WASHC4: variants seen among roughly 807,000 people sequenced by gnomAD.
The protein encoded by WASHC4 is WASH complex subunit 4.
A neutral mutation model predicts 166.6 loss-of-function variants in WASHC4; 86 were observed. The ratio of observed to expected loss-of-function variants is 0.52; its 90% confidence interval spans 0.43 to 0.62. The LOEUF is 0.62. WASHC4 is among the 20% of genes least tolerant of loss of function. The probability of loss-of-function intolerance (pLI) is 0.00; values close to 1 mark genes in which losing one functional copy is unlikely to be tolerated. For missense variants in WASHC4, 1,262 were observed against 1,382.4 expected (o/e 0.91, Z 1.38); for synonymous variants, 446 against 451.6 (o/e 0.99, Z 0.16).
In WASHC4 at chr12:105,162,814, AGCT is replaced by A. The variant is rs771731413; in HGVS notation, c.3129_3131del (p.Ala1044del). 7.5e-6 allele frequency: 12 copies of A among 1,601,734 alleles called. No individual in the cohort carries two copies. Among genetic ancestry groups the A allele is most frequent in the Non-Finnish European group, 9.4e-6 (11 of 1,170,974 alleles). ...AATTAAATAAAAAAAATAAAATTGG[AGCT>A]GCCTTTACTGATGATGGCTTTGCCA... On this transcript the variant is annotated inframe_deletion, in exon 30 of 33. Transcript: ENST00000332180.
chr12:105,140,112 C>T (rs964481014), intron 15 of WASHC4, among the ~76,000 whole-genome samples, 182 bp from the exon 16 acceptor site: 1 of 152,088 alleles, frequency 6.6e-6, no homozygotes, highest in Non-Finnish European at 1.5e-5. Context: ...ACCTGGTGAT[C>T]CACCTGCCTC....
At position 105,122,168 on chromosome 12, in the gene WASHC4, A is replaced by T. The variant is rs1446688440; in HGVS notation, c.716A>T (p.Glu239Val). ...HNPSKFGIQE[E>V]KLKPFEKFLL... The stretch of plus-strand genomic sequence containing the variant: ...CCTTCAAAATTTGGAATTCAGGAAG[A>T]AAAATTAAAGCCATTTGAAAAGTTC... The change falls in exon 10 of 33, where the codon GAA becomes GTA. Residue 239 changes from glutamate (E) to valine (V), a missense_variant. Physicochemically the swap from Glu to Val is moderately radical, Grantham distance 121 (BLOSUM62 -2). Coordinates refer to ENST00000332180, the MANE Select transcript of WASHC4 (RefSeq NM_015275.3). 1.9e-6 allele frequency: 3 copies of T among 1,611,344 alleles called. No individual in the cohort carries two copies. The Admixed American group carries it at 5.0e-5, about 27-fold the overall frequency.
intron 30 of WASHC4, among the ~76,000 whole-genome samples, chr12:105,163,645 G>A (rs1032886100): frequency 4.6e-5 from 7 of 151,978 alleles, no homozygotes; most frequent in Non-Finnish European, 7.4e-5. Flanking sequence ...GAGACTACAG[G>A]CATGCATCGC....
In WASHC4 at chr12:105,125,933, T is replaced by C. The variant is rs191508942; in HGVS notation, c.787-71T>C. Reference sequence around the variant, plus strand: ...GAAATTTATCATACACTGTATTTAGTGTATGATATTTAAATGTTTAATCGT... The same window carrying C: ...GAAATTTATCATACACTGTATTTAGCGTATGATATTTAAATGTTTAATCGT... On this transcript the variant is annotated intron_variant, in intron 10 of 32. Transcript: ENST00000332180. The C allele has an allele frequency of 5.9e-4, 822 of 1,396,794 alleles. 4 individuals carry two copies. The African/African-American group carries it at 9.3e-3, about 16-fold the overall frequency. The allele number at this position is 1,396,794 out of a possible 1,614,324, so 86.5% of individuals were successfully genotyped here.
chr12:105,165,229 G>A (rs1884735732), intron 32 of WASHC4, among the ~76,000 whole-genome samples: 1 of 152,180 alleles, frequency 6.6e-6, no homozygotes, highest in African/African-American at 2.4e-5. Flanking sequence ...AGGCAATATA[G>A]CCATAATAAC....
chr12:105,134,804 T>A (rs1882166765), intron 14 of WASHC4, among the ~76,000 whole-genome samples: 2 of 151,918 alleles, frequency 1.3e-5, no homozygotes, highest in African/African-American at 4.8e-5. Flanking sequence ...TACTATTTTT[T>A]CTATATGTCA....
intron 1 of WASHC4, 31 bp downstream of exon 1, chr12:105,107,892 TG>T: frequency 6.7e-7 from 1 of 1,502,664 alleles, no homozygotes; most frequent in Non-Finnish European, 9.1e-7. Flanking sequence ...GGGCTGCGGG[TG>T]GACGCTCCTT....
At chr12:105,112,540 A>G (rs187208034) in intron 2 of WASHC4, among the ~76,000 whole-genome samples, 1 of 152,300 alleles carries the variant, frequency 6.6e-6, no homozygotes, top group East Asian at 1.9e-4. Flanking sequence ...TACTACCAGC[A>G]CTGCATGAGG....
intron 10 of WASHC4, among the ~76,000 whole-genome samples, chr12:105,123,736 G>A (rs1409040964): frequency 6.6e-6 from 1 of 152,232 alleles, no homozygotes; most frequent in Non-Finnish European, 1.5e-5. Flanking sequence ...TAAAATCACT[G>A]ATAGAGGTGG....
At position 105,137,913 on chromosome 12, in the gene WASHC4, A is replaced by G; in HGVS notation, c.1354A>G (p.Thr452Ala). Residue 452 changes from threonine (T) to alanine (A), a missense_variant, in exon 15 of 33, where the codon ACC (threonine) becomes GCC (alanine). Coordinates refer to ENST00000332180, the MANE Select transcript of WASHC4 (RefSeq NM_015275.3). ...QGFLYAYSIS[T>A]IIKTTMNLYM... ...CTTCTTGTATGCATATAGTATTAGT[A>G]CCATTATTAAAACCACAATGAATCT... 1.2e-6 allele frequency: 2 copies of G among 1,609,082 alleles called. No homozygotes were observed. The highest frequency in any genetic ancestry group is 2.2e-5 in the East Asian group (1 of 44,726).
chr12:105,135,295 G>A (rs1458370027), intron 14 of WASHC4, among the ~76,000 whole-genome samples: 4 of 151,562 alleles, frequency 2.6e-5, no homozygotes, highest in Admixed American at 6.6e-5. Flanking sequence ...ATACCTGCTA[G>A]TATTTCATTA....
In WASHC4 at chr12:105,147,481, T is replaced by A. The variant is rs546588194; in HGVS notation, c.2514+335T>A. 1.0e-4 allele frequency: 47 copies of A among 463,408 alleles called. 1 individual carries two copies. The South Asian group carries it at 2.0e-3, about 20-fold the overall frequency. The allele number at this position is 463,408 out of a possible 1,614,324, so 28.7% of individuals were successfully genotyped here. ...TGTTGATCTGTGATCCCTGAAAGTT[T>A]ACTTTTGAAAGTCAACAATAGATAG... On this transcript the variant is annotated intron_variant, in intron 24 of 32. Transcript: ENST00000332180.
At chr12:105,144,520 A>G in intron 21 of WASHC4, 65 bp downstream of exon 21, 1 of 1,398,352 alleles carries the variant, frequency 7.2e-7, no homozygotes. Flanking sequence ...CCCTACTGTT[A>G]AACAAAACTT....
intron 10 of WASHC4, among the ~76,000 whole-genome samples, chr12:105,124,083 C>T (rs1440104233): frequency 1.3e-5 from 2 of 151,304 alleles, no homozygotes; most frequent in Non-Finnish European, 2.9e-5. Context: ...AATGCTATTG[C>T]ATACTTAATA....
intron 26 of WASHC4, among the ~76,000 whole-genome samples, chr12:105,154,444 T>A (rs1883996126): frequency 6.6e-6 from 1 of 152,246 alleles, no homozygotes; most frequent in South Asian, 2.1e-4. Flanking sequence ...TTTTGACTAA[T>A]AACTTGCCTG....
chr12:105,152,216 C>G (rs1883824234), intron 25 of WASHC4, 127 bp from the exon 26 acceptor site: 3 of 637,374 alleles, frequency 4.7e-6, no homozygotes, highest in Non-Finnish European at 8.6e-6. Context: ...AATTATTAAT[C>G]TTAATTAATT....
rs190039477 is a variant in WASHC4 at position 105,126,098 on chromosome 12, C to T, written c.881C>T (p.Ser294Leu). The change falls in exon 11 of 33, where the codon TCA becomes TTA. Residue 294 changes from serine (S) to leucine (L), a missense_variant. Transcript: ENST00000332180. ...GAGGAATTTGCACATAGTATTCGGT[C>T]AATTTTTGCAAATGTAGAAGCCAAA... is the stretch of plus-strand genomic sequence containing the variant. ...FAEEFAHSIR[S>L]IFANVEAKLG... The T allele has an allele frequency of 9.5e-5, 153 of 1,612,862 alleles. No homozygotes were observed. In the East Asian group the frequency reaches 1.9e-3, roughly 20 times the overall value.
rs1467234491 is a variant in WASHC4, at chr12:105,128,852, C to G, written c.1199+1563C>G. ...GGAGTGCAGTGGTGTTATCTTGGCT[C>G]ACTGTAACCTCTGTCTCCCAGATTC... is the stretch of plus-strand genomic sequence containing the variant. On this transcript the variant is annotated intron_variant, in intron 13 of 32. Transcript: ENST00000332180. 2.6e-5 allele frequency among the ~76,000 whole-genome samples: 4 copies of G among 151,616 alleles called. No individual in the cohort carries two copies. The East Asian group carries it at 7.7e-4, about 29-fold the overall frequency.
chr12:105,134,041 T>G, intron 14 of WASHC4, 145 bp downstream of exon 14: 1 of 702,094 alleles, frequency 1.4e-6, no homozygotes, highest in Non-Finnish European at 2.4e-6. Context: ...GTGTGACTTA[T>G]TAATTTAAAT....
Sources: gnomAD v4.1 joint callset for allele counts (sites outside exome capture counted in the v4.1 genomes callset) on GRCh38, gnomAD v4.1.1 for gene constraint, MANE v1.5 for transcripts, NCBI Gene and HGNC (gene_info 2026-07-23, HGNC 2026-07-21) for gene names.